Variants in PCCA observed in about 807,000 individuals in gnomAD.
PCCA encodes the protein propionyl-CoA carboxylase alpha chain, mitochondrial.
In PCCA, 74 loss-of-function variants were observed where a neutral mutation model predicts 101.3. That is an observed-to-expected ratio of 0.73 (90% confidence interval 0.61 to 0.89). The LOEUF (loss-of-function observed/expected upper bound fraction) is 0.89. Among genes scored for constraint, PCCA ranks in the 40% least tolerant of loss-of-function variants. The pLI is 0.00. For missense variants in PCCA, 891 were observed against 907.0 expected (o/e 0.98, Z 0.23); for synonymous variants, 294 against 313.6 (o/e 0.94, Z 0.66).
At chr13:100,147,833 C>G in intron 4 of PCCA, among the ~76,000 whole-genome samples, 1 of 152,026 alleles carries the variant, frequency 6.6e-6, no homozygotes, top group East Asian at 1.9e-4. Context: ...TTCACTCTGG[C>G]TTGTCCGTAA....
intron 21 of PCCA, among the ~76,000 whole-genome samples, chr13:100,496,105 TGCAATGCA>T (rs1437330678): frequency 2.6e-5 from 4 of 152,238 alleles, no homozygotes; most frequent in Non-Finnish European, 2.9e-5. Context: ...CTTATGGAAC[TGCAATGCA>T]GTACTGTTAC....
Position 100,089,162 on chromosome 13 carries a change from C to G in PCCA, c.42C>G (p.Ala14=), listed in dbSNP as rs200714802. The change falls in exon 1 of 24, where the codon GCC becomes GCG. Residue 14 remains alanine (A), a synonymous_variant. Coordinates refer to ENST00000376285, the MANE Select transcript of PCCA (RefSeq NM_000282.4). The part of the protein sequence containing the change: ...FWVGTAPLVA[A]GRRGRWPPQQ... ...TCGGGACAGCACCGCTGGTCGCTGCCGGACGGCGTGGGCGGTGGCCGCCGC... is the reference window on the plus strand; with the variant it reads ...TCGGGACAGCACCGCTGGTCGCTGCGGGACGGCGTGGGCGGTGGCCGCCGC... 9 of 1,527,138 alleles carry G rather than the reference C, an allele frequency of 5.9e-6. No individual in the cohort carries two copies. The highest frequency in any genetic ancestry group is 2.5e-5 in the South Asian group (2 of 80,102). 94.6% of individuals were successfully genotyped at this position (1,527,138 alleles called of 1,614,324 possible).
In PCCA at chr13:100,253,632, G is replaced by A. The variant is rs147308509; in HGVS notation, c.638-3963G>A. 2.4e-3 allele frequency among the ~76,000 whole-genome samples: 366 copies of A among 152,222 alleles called. 2 individuals are homozygous for A. The highest frequency in any genetic ancestry group is 8.6e-3 in the African/African-American group (355 of 41,510). On this transcript the variant is annotated intron_variant, in intron 8 of 23. Coordinates refer to ENST00000376285, the MANE Select transcript of PCCA (RefSeq NM_000282.4). ...TAACCTAAGTTTCTGTATTTTCTTCGTATATTTTGTCATATAGTATTAGTA... is the reference window on the plus strand; with the variant it reads ...TAACCTAAGTTTCTGTATTTTCTTCATATATTTTGTCATATAGTATTAGTA...
At chr13:100,268,470 T>C in intron 10 of PCCA, 2 of 604,878 alleles carry the variant, frequency 3.3e-6, no homozygotes, top group Non-Finnish European at 6.0e-6. Flanking sequence ...ATGAACACTT[T>C]TTCCTCAAAT....
chr13:100,471,201 A>G (rs1338577040), intron 21 of PCCA, among the ~76,000 whole-genome samples: 1 of 152,092 alleles, frequency 6.6e-6, no homozygotes, highest in African/African-American at 2.4e-5. Flanking sequence ...AGGGAGAGAG[A>G]TGGGGGATTG....
At chr13:100,301,397 T>C in intron 12 of PCCA, 63 bp from the exon 13 acceptor site, 1 of 1,587,108 alleles carries the variant, frequency 6.3e-7, no homozygotes, top group Non-Finnish European at 8.6e-7. Flanking sequence ...GTGATTTTTC[T>C]TGTTTGTTTC....
chr13:100,221,755 T>TTA (rs1164885478), intron 7 of PCCA, among the ~76,000 whole-genome samples: 1 of 149,156 alleles, frequency 6.7e-6, no homozygotes, highest in East Asian at 2.0e-4. Flanking sequence ...AATTTTTTTT[T>TTA]TTTTTTTTTT....
intron 6 of PCCA, among the ~76,000 whole-genome samples, chr13:100,208,322 C>T (rs542455471): frequency 1.2e-4 from 19 of 152,164 alleles, no homozygotes; most frequent in Admixed American, 9.2e-4. Context: ...CCTTTTTTCC[C>T]AAGTCAAGAT....
At position 100,444,339 on chromosome 13, in the gene PCCA, G is replaced by C. The variant is rs952632094; in HGVS notation, c.1846-4913G>C. 2.0e-5 allele frequency among the ~76,000 whole-genome samples: 3 copies of C among 150,420 alleles called. No individual in the cohort carries two copies. The Admixed American group carries it at 2.0e-4, about 10-fold the overall frequency. On this transcript the variant is annotated intron_variant, in intron 20 of 23. Transcript: ENST00000376285. ...CCTGCCTCAGCCTCTTGAGTAGCTC[G>C]GATTACAGGTGCCACCACCACGCCC...
chr13:100,136,846 C>G (rs1334364110), intron 4 of PCCA, among the ~76,000 whole-genome samples: 1 of 151,868 alleles, frequency 6.6e-6, no homozygotes, highest in Non-Finnish European at 1.5e-5. Flanking sequence ...GAATAACTAG[C>G]TTAGGTTGCA....
chr13:100,463,513 A>G (rs2082314540), intron 21 of PCCA, among the ~76,000 whole-genome samples: 1 of 152,090 alleles, frequency 6.6e-6, no homozygotes. Context: ...GAAAAACAGG[A>G]AGAAGAGAAG....
intron 20 of PCCA, among the ~76,000 whole-genome samples, chr13:100,445,782 T>C (rs1299512309): frequency 1.0e-5 from 1 of 97,876 alleles, no homozygotes; most frequent in Non-Finnish European, 2.0e-5. Context: ...CCATTTTGCA[T>C]ATTATACCAC....
rs759711541 is a variant in PCCA, at chr13:100,431,834, C to G, written c.1845+6103C>G. Among the ~76,000 whole-genome samples the G allele has an allele frequency of 1.2e-4, 18 of 151,644 alleles. 1 individual carries two copies. Among genetic ancestry groups the G allele is most frequent in the Admixed American group, 5.9e-4 (9 of 15,190 alleles). ...TGAGCTGAGATCGCGCCACTGCACT[C>G]CAGCCTGGGTGACAGAGTGAGACTC... On this transcript the variant is annotated intron_variant, in intron 20 of 23. Coordinates refer to ENST00000376285, the MANE Select transcript of PCCA (RefSeq NM_000282.4).
intron 4 of PCCA, among the ~76,000 whole-genome samples, chr13:100,140,231 C>G (rs1328217701): frequency 2.0e-5 from 3 of 152,020 alleles, no homozygotes. Context: ...GTGTCCAGGA[C>G]GTGTAAAGAG....
At chr13:100,522,965 C>T (rs1277560657) in intron 22 of PCCA, among the ~76,000 whole-genome samples, 1 of 152,216 alleles carries the variant, frequency 6.6e-6, no homozygotes, top group Non-Finnish European at 1.5e-5. Flanking sequence ...TGGTCTTGAG[C>T]ACCGCTTTCA....
chr13:100,430,040 C>G (rs552875283), intron 20 of PCCA, among the ~76,000 whole-genome samples: 24 of 152,132 alleles, frequency 1.6e-4, no homozygotes, highest in African/African-American at 5.1e-4. Context: ...CTTTGGGAGG[C>G]CGAAGCAGGC....
chr13:100,380,291 G>A (rs538235603), intron 19 of PCCA, among the ~76,000 whole-genome samples: 4 of 152,292 alleles, frequency 2.6e-5, no homozygotes, highest in African/African-American at 9.6e-5. Context: ...AAGCCCAGGA[G>A]GTGGAGGTTG....
chr13:100,342,630 C>T (rs1161313245), intron 18 of PCCA, among the ~76,000 whole-genome samples: 1 of 151,910 alleles, frequency 6.6e-6, no homozygotes, highest in African/African-American at 2.4e-5. Context: ...ATCTTTACAT[C>T]GTCTCTTCCA....
intron 22 of PCCA, among the ~76,000 whole-genome samples, chr13:100,522,773 A>T (rs2087411995): frequency 6.6e-6 from 1 of 152,194 alleles, no homozygotes; most frequent in African/African-American, 2.4e-5. Flanking sequence ...CACAGCTGTT[A>T]CTGTAAATCT....
Sources: gnomAD v4.1 joint callset for allele counts (sites outside exome capture counted in the v4.1 genomes callset) on GRCh38, gnomAD v4.1.1 for gene constraint, MANE v1.5 for transcripts, NCBI Gene and HGNC (gene_info 2026-07-23, HGNC 2026-07-21) for gene names.